Variants in CACNA1E observed in about 807,000 individuals in gnomAD.
CACNA1E encodes calcium voltage-gated channel subunit alpha1 E.
A neutral mutation model predicts 259.2 loss-of-function variants in CACNA1E; 40 were observed. That is an observed-to-expected ratio of 0.15 (90% CI 0.12 to 0.20). The LOEUF (loss-of-function observed/expected upper bound fraction) is 0.20, where lower values mean the gene tolerates loss of function less well. Among genes scored for constraint, CACNA1E ranks in the 10% least tolerant of loss-of-function variants. The pLI is 1.00. For missense variants in CACNA1E, 1,874 were observed against 3,040.1 expected (o/e 0.62, Z 9.02); for synonymous variants, 1,104 against 1,138.5 (o/e 0.97, Z 0.61).
intron 2 of CACNA1E, among the ~76,000 whole-genome samples, chr1:181,451,345 GGGTTCCTGTGGCAGTT>G (rs1386721094): frequency 6.6e-6 from 1 of 152,114 alleles, no homozygotes; most frequent in Non-Finnish European, 1.5e-5. Context: ...TCCTGTGGTA[GGGTTCCTGTGGCAGTT>G]GGTTGTAAAA....
At chr1:181,531,156 C>A (rs963265436) in intron 3 of CACNA1E, among the ~76,000 whole-genome samples, 1 of 152,200 alleles carries the variant, frequency 6.6e-6, no homozygotes, top group Non-Finnish European at 1.5e-5. Flanking sequence ...CCTTTTCCTT[C>A]CTTTGGAGAA....
At chr1:181,481,358 A>C (rs151137288), upstream of CACNA1E, among the ~76,000 whole-genome samples, 676 of 151,962 alleles carry the variant, frequency 4.4e-3, 6 homozygotes, top group Middle Eastern at 6.8e-3. Flanking sequence ...ACACACACAC[A>C]CACACACACA....
chr1:181,691,039 A>G (rs1227357692), intron 7 of CACNA1E, among the ~76,000 whole-genome samples: 2 of 152,010 alleles, frequency 1.3e-5, no homozygotes, highest in African/African-American at 4.8e-5. Context: ...TTCTTGAAAA[A>G]TCAAATATTA....
intron 1 of CACNA1E, among the ~76,000 whole-genome samples, chr1:181,349,786 G>A (rs964480245): frequency 2.0e-5 from 3 of 152,066 alleles, no homozygotes; most frequent in Non-Finnish European, 4.4e-5. Context: ...CTGTGTGTGT[G>A]TATAGGGGTA....
intron 2 of CACNA1E, among the ~76,000 whole-genome samples, chr1:181,423,664 T>G (rs866559554): frequency 1.7e-5 from 1 of 57,654 alleles, no homozygotes; most frequent in African/African-American, 7.5e-5. Flanking sequence ...TTGGGCCAAT[T>G]TTTTTTTTTT....
chr1:181,401,475 A>G (rs1657098056), intron 1 of CACNA1E, among the ~76,000 whole-genome samples: 1 of 152,192 alleles, frequency 6.6e-6, no homozygotes, highest in African/African-American at 2.4e-5. Flanking sequence ...GGCAAGTAAT[A>G]GGTGCTTATT....
At chr1:181,392,284 C>G (rs915037384) in intron 1 of CACNA1E, among the ~76,000 whole-genome samples, 13 of 152,190 alleles carry the variant, frequency 8.5e-5, no homozygotes, top group African/African-American at 3.1e-4. Flanking sequence ...CATGCCTTTG[C>G]ATGTAAGATT....
intron 3 of CACNA1E, among the ~76,000 whole-genome samples, chr1:181,514,024 C>A (rs1666361709): frequency 6.6e-6 from 1 of 152,194 alleles, no homozygotes; most frequent in Non-Finnish European, 1.5e-5. Flanking sequence ...TTCCCTTTCT[C>A]CTCAATTCAT....
chr1:181,415,754 C>T (rs1278175257), intron 2 of CACNA1E, among the ~76,000 whole-genome samples: 1 of 152,142 alleles, frequency 6.6e-6, no homozygotes, highest in African/African-American at 2.4e-5. Flanking sequence ...GATGTTGCCC[C>T]ATCCTTCTCT....
chr1:181,723,414 G>T (rs1654590555), intron 16 of CACNA1E, among the ~76,000 whole-genome samples: 1 of 152,178 alleles, frequency 6.6e-6, no homozygotes, highest in Admixed American at 6.5e-5. Flanking sequence ...CAAACTCAAA[G>T]TGCTTTTTCT....
At chr1:181,318,148 G>A (rs1468425796) in intron 1 of CACNA1E, 1 of 152,128 alleles carries the variant, frequency 6.6e-6, no homozygotes, top group Non-Finnish European at 1.5e-5. Flanking sequence ...TTTACTGCCA[G>A]AGATGTGTCT....
chr1:181,505,242 G>C (rs1466523827), intron 1 of CACNA1E, among the ~76,000 whole-genome samples: 1 of 152,130 alleles, frequency 6.6e-6, no homozygotes, highest in Non-Finnish European at 1.5e-5. Context: ...ATGAACACAT[G>C]CTCATTTGAA....
At chr1:181,482,706 G>T (rs76401927), upstream of CACNA1E, among the ~76,000 whole-genome samples, 1,254 of 152,376 alleles carry the variant, frequency 8.2e-3, 46 homozygotes, top group East Asian at 0.088. Context: ...CGCTGCCTGC[G>T]GGGAAGAGGG....
chr1:181,737,287 G>A (rs996212478), intron 22 of CACNA1E, among the ~76,000 whole-genome samples: 43 of 152,200 alleles, frequency 2.8e-4, no homozygotes, highest in African/African-American at 9.6e-4. Flanking sequence ...GCTCAGACGT[G>A]TCTGTGGATA....
Position 181,798,471 on chromosome 1 carries a change from C to T in CACNA1E, c.6579C>T (p.Ser2193=), listed in dbSNP as rs756191338. The T allele has an allele frequency of 1.4e-5, 23 of 1,613,796 alleles. No individual in the cohort carries two copies. Among genetic ancestry groups the T allele is most frequent in the Non-Finnish European group, 1.8e-5 (21 of 1,179,912 alleles). Residue 2193 remains serine (S), a synonymous_variant, in exon 48 of 48, where the codon TCC becomes TCT. Coordinates refer to ENST00000367573, the MANE Select transcript of CACNA1E (RefSeq NM_001205293.3). This position sits in a 1 kb window ranked among gnomAD's most constrained non-coding sequence, Gnocchi z 4.2. ...CTGCTGATGGAAGCGAGGAGGGCTC[C>T]CCGCTGACCTCCCAAGCTCTGGAGA... ...SPPADGSEEG[S]PLTSQALESN...
intron 25 of CACNA1E, among the ~76,000 whole-genome samples, chr1:181,747,866 C>G (rs1205341434): frequency 6.6e-6 from 1 of 152,144 alleles, no homozygotes; most frequent in Admixed American, 6.5e-5. Context: ...GATTTGGGAG[C>G]AGTACTTTGG....
In CACNA1E at chr1:181,794,877, C is replaced by T; in HGVS notation, c.6041C>T (p.Pro2014Leu). Residue 2014 changes from proline to leucine, a missense_variant, in exon 46 of 48, where the codon CCT (proline) becomes CTT (leucine). Physicochemically the swap from Pro to Leu is moderately conservative, Grantham distance 98. Transcript: ENST00000367573. ...TTGTATTTCCAGGTGGTGACAGACC[C>T]TAGCTCCATGAGACGTTCATTTTCC... ...LTVDPQVVTD[P>L]SSMRRSFSTI... is the part of the protein sequence containing the mutation. 6.2e-7 allele frequency: 1 copy of T among 1,613,028 alleles called. No individual in the cohort carries two copies.
intron 1 of CACNA1E, among the ~76,000 whole-genome samples, chr1:181,505,360 C>G (rs1665618741): frequency 6.6e-6 from 1 of 151,806 alleles, no homozygotes; most frequent in Admixed American, 6.6e-5. Flanking sequence ...TGTTCTCTCC[C>G]TTCTCTTTTT....
Position 181,738,419 on chromosome 1 carries a change from T to C in CACNA1E, c.3605T>C (p.Val1202Ala), listed in dbSNP as rs1656259101. ...ACGGGCGTGTTCACCTTTGAGATGG[T>C]TATAAAGGTAAAAACTTCTAGAGAA... The part of the protein sequence containing the change: ...VFTGVFTFEM[V>A]IKMIDQGLIL... Residue 1202 changes from valine to alanine, a missense_variant, in exon 24 of 48, where the codon GTT becomes GCT. Physicochemically the swap from Val to Ala is moderately conservative, Grantham distance 64 (BLOSUM62 0). This residue lies in a region of CACNA1E where 188 missense variants were observed against 540.6 expected (regional missense o/e 0.35). Coordinates refer to ENST00000367573, the MANE Select transcript of CACNA1E (RefSeq NM_001205293.3). 1 of 1,613,384 alleles carries C rather than the reference T, an allele frequency of 6.2e-7. No individual in the cohort carries two copies. The highest frequency in any genetic ancestry group is 1.1e-5 in the South Asian group (1 of 91,074).
Sources: gnomAD v4.1 joint callset for allele counts (sites outside exome capture counted in the v4.1 genomes callset) on GRCh38, gnomAD v4.1.1 for gene constraint, gnomAD v4.1.1 regional missense constraint, Gnocchi (gnomAD v3.1) non-coding constraint, MANE v1.5 for transcripts, NCBI Gene and HGNC (gene_info 2026-07-23, HGNC 2026-07-21) for gene names.